The following CNTN3 variants were observed in gnomAD, a reference collection of about 807,000 sequenced individuals.
The protein encoded by CNTN3 is contactin 3.
In CNTN3, 60 loss-of-function variants were observed where a neutral mutation model predicts 119.1. That is an observed-to-expected ratio of 0.50 (90% CI 0.41 to 0.62). The LOEUF (loss-of-function observed/expected upper bound fraction) is 0.62. CNTN3 is among the 20% of genes least tolerant of loss of function. The pLI, the probability that CNTN3 is intolerant of heterozygous loss-of-function variation, is 0.00. For missense variants in CNTN3, 1,101 were observed against 1,242.4 expected, an observed-to-expected ratio of 0.89 and a Z score of 1.71; for synonymous variants, 450 against 438.7, an observed-to-expected ratio of 1.03 and a Z score of -0.32.
chr3:74,265,894 C>T lies in CNTN3; in HGVS notation c.2986+587G>A, dbSNP rs181751088. Among the ~76,000 whole-genome samples, 696 of 152,190 alleles carry T rather than the reference C, an allele frequency of 4.6e-3. 8 individuals carry two copies. Among genetic ancestry groups the T allele is most frequent in the African/African-American group, 0.016 (653 of 41,530 alleles). ...AGGATAAAATTTATTCTAGCATTGG[C>T]AGTTGATAAAATACGCAAACCAAAG... is the stretch of plus-strand genomic sequence containing the variant. On this transcript the variant is annotated intron_variant, in intron 22 of 22. Coordinates refer to ENST00000263665, the MANE Select transcript of CNTN3 (RefSeq NM_020872.3).
At chr3:74,569,720 C>T (rs954691742) in intron 1 of CNTN3, among the ~76,000 whole-genome samples, 8 of 152,168 alleles carry the variant, frequency 5.3e-5, no homozygotes, top group South Asian at 2.1e-4. Context: ...ACACGGTTTG[C>T]ATGAGTCAAG....
intron 5 of CNTN3, among the ~76,000 whole-genome samples, chr3:74,382,634 C>T (rs1322929441): frequency 6.6e-6 from 1 of 152,178 alleles, no homozygotes; most frequent in Non-Finnish European, 1.5e-5. Flanking sequence ...CTTTCTGTGC[C>T]TGGCTTTATT....
At chr3:74,538,078 A>C (rs891411254) in intron 1 of CNTN3, among the ~76,000 whole-genome samples, 17 of 152,136 alleles carry the variant, frequency 1.1e-4, no homozygotes, top group African/African-American at 4.1e-4. Flanking sequence ...TACCTGGGGA[A>C]GCAGGATGAG....
In CNTN3 at chr3:74,266,519, C is replaced by T; in HGVS notation, c.2948G>A (p.Gly983Glu). The stretch of plus-strand genomic sequence containing the variant: ...AATCCTGATCTGTTCACTACTGGTC[C>T]CATCCCCTCCATCTGTTGTGGCCTT... ...EVKATTDGGD[G>E]TSSEQIRIPR... The change falls in exon 22 of 23, where the codon GGG becomes GAG. Residue 983 changes from glycine to glutamate, a missense_variant. Transcript: ENST00000263665. 1 of 1,613,496 alleles carries T rather than the reference C, an allele frequency of 6.2e-7. No homozygotes were observed. The highest frequency in any genetic ancestry group is 8.5e-7 in the Non-Finnish European group (1 of 1,179,566).
chr3:74,543,253 AGAT>A (rs1281824522), intron 1 of CNTN3, among the ~76,000 whole-genome samples: 3 of 152,232 alleles, frequency 2.0e-5, no homozygotes, highest in African/African-American at 4.8e-5. Flanking sequence ...GTATTTAAGA[AGAT>A]GATGCGACCA....
At chr3:74,271,796 C>T (rs181566967) in intron 20 of CNTN3, among the ~76,000 whole-genome samples, 27 of 152,198 alleles carry the variant, frequency 1.8e-4, no homozygotes, top group Admixed American at 1.1e-3. Context: ...AAAACAAAAG[C>T]CAATTATGCA....
chr3:74,412,705 T>C (rs1009950436), intron 5 of CNTN3, among the ~76,000 whole-genome samples: 6 of 152,158 alleles, frequency 3.9e-5, no homozygotes, highest in African/African-American at 1.2e-4. Context: ...TTAAAAAATA[T>C]TGGAAAATTT....
intron 4 of CNTN3, among the ~76,000 whole-genome samples, chr3:74,444,356 T>C (rs1702015605): frequency 6.6e-6 from 1 of 151,930 alleles, no homozygotes. Flanking sequence ...CAAGTGAAAA[T>C]GTTATGTCTA....
At chr3:74,361,746 C>G (rs922231969) in intron 11 of CNTN3, 144 bp downstream of exon 11, 2 of 817,868 alleles carry the variant, frequency 2.4e-6, no homozygotes, top group African/African-American at 3.5e-5. Context: ...TATTAAAGAA[C>G]AAAAATACTA....
chr3:74,451,433 G>C (rs1316448387), intron 4 of CNTN3, among the ~76,000 whole-genome samples: 1 of 151,986 alleles, frequency 6.6e-6, no homozygotes, highest in Non-Finnish European at 1.5e-5. Flanking sequence ...CAGATGAGTA[G>C]GTTGTGAAAA....
intron 13 of CNTN3, among the ~76,000 whole-genome samples, chr3:74,331,886 A>G (rs1482636074): frequency 6.6e-6 from 1 of 152,214 alleles, no homozygotes; most frequent in African/African-American, 2.4e-5. Flanking sequence ...AAATCTATAC[A>G]GTAGATCTGG....
chr3:74,405,306 A>G (rs1249587587), intron 5 of CNTN3, among the ~76,000 whole-genome samples: 1 of 151,334 alleles, frequency 6.6e-6, no homozygotes, highest in Middle Eastern at 3.2e-3. Flanking sequence ...TCATAAAACA[A>G]TATCATATAG....
chr3:74,379,606 T>C (rs746137408), intron 5 of CNTN3, among the ~76,000 whole-genome samples: 5 of 152,182 alleles, frequency 3.3e-5, no homozygotes, highest in Admixed American at 6.5e-5. Context: ...GCATTCTGTA[T>C]CCTTTCTTTT....
At chr3:74,565,263 C>G (rs1459748026) in intron 1 of CNTN3, among the ~76,000 whole-genome samples, 1 of 152,190 alleles carries the variant, frequency 6.6e-6, no homozygotes, top group Non-Finnish European at 1.5e-5. Flanking sequence ...CCTGTAGGCT[C>G]TAAGGGAAAA....
intron 1 of CNTN3, among the ~76,000 whole-genome samples, chr3:74,603,673 C>G (rs993065885): frequency 6.6e-6 from 1 of 151,730 alleles, no homozygotes; most frequent in Admixed American, 6.6e-5. Context: ...GAAGAAGATA[C>G]AAATAAATGG....
intron 1 of CNTN3, among the ~76,000 whole-genome samples, chr3:74,611,309 G>A (rs779286113): frequency 6.6e-6 from 1 of 152,096 alleles, no homozygotes; most frequent in African/African-American, 2.4e-5. Flanking sequence ...ATGCTATAAA[G>A]TTCTGCCAGC....
chr3:74,591,635 A>G (rs1704704519), intron 1 of CNTN3, among the ~76,000 whole-genome samples: 1 of 151,866 alleles, frequency 6.6e-6, no homozygotes, highest in Admixed American at 6.6e-5. Flanking sequence ...AGAAGACTCC[A>G]TCGAGATAAG....
At chr3:74,375,284 A>G (rs1056570474) in intron 5 of CNTN3, among the ~76,000 whole-genome samples, 8 of 152,138 alleles carry the variant, frequency 5.3e-5, no homozygotes, top group Admixed American at 3.3e-4. Context: ...GGCTGGAAAA[A>G]GGTATAGTAA....
intron 1 of CNTN3, among the ~76,000 whole-genome samples, chr3:74,579,465 G>C (rs1704469304): frequency 6.6e-6 from 1 of 151,554 alleles, no homozygotes; most frequent in African/African-American, 2.4e-5. Context: ...CACCACTAGA[G>C]CATATGGTCT....
Sources: allele counts gnomAD v4.1 joint callset (sites outside exome capture counted in the v4.1 genomes callset), GRCh38; gene constraint gnomAD v4.1.1; transcripts MANE v1.5; gene names NCBI Gene and HGNC (gene_info 2026-07-23, HGNC 2026-07-21).